Variants in SYCP2L observed in about 807,000 individuals in gnomAD.
The protein encoded by SYCP2L is synaptonemal complex protein 2 like, also known as synaptonemal complex protein 2-like.
SYCP2L carries 98 observed loss-of-function variants against 125.8 expected under a neutral mutation model. That is an observed-to-expected ratio of 0.78 (90% CI 0.66 to 0.92). The LOEUF is 0.92. SYCP2L is among the 40% of genes least tolerant of loss of function. The probability of loss-of-function intolerance (pLI) is 0.00; values close to 1 mark genes in which losing one functional copy is unlikely to be tolerated. For synonymous variants in SYCP2L, 317 were observed against 325.4 expected, an observed-to-expected ratio of 0.97 and a Z score of 0.28; for missense variants, 842 against 936.4, an observed-to-expected ratio of 0.90 and a Z score of 1.32.
intron 20 of SYCP2L, 122 bp downstream of exon 20, chr6:10,931,611 G>A (rs1581831909): frequency 1.8e-5 from 17 of 922,666 alleles, no homozygotes; most frequent in Middle Eastern, 2.2e-4. Flanking sequence ...GTGAATCACC[G>A]CCAATAGAAA....
chr6:10,916,184 T>C (rs1311317521), intron 14 of SYCP2L, among the ~76,000 whole-genome samples: 1 of 152,234 alleles, frequency 6.6e-6, no homozygotes, highest in East Asian at 1.9e-4. Flanking sequence ...TTTCATTTCT[T>C]ACTGAGTTTA....
chr6:10,944,038 T>C (rs1781269070), intron 23 of SYCP2L, among the ~76,000 whole-genome samples: 1 of 152,210 alleles, frequency 6.6e-6, no homozygotes, highest in East Asian at 1.9e-4. Context: ...GATACACAGG[T>C]TAAAAATCTT....
chr6:10,958,269 ATG>A (rs1781538676), intron 25 of SYCP2L, among the ~76,000 whole-genome samples: 1 of 152,130 alleles, frequency 6.6e-6, no homozygotes. Flanking sequence ...TACAGGAAGC[ATG>A]GCACTGGCAT....
At chr6:10,931,814 A>T (rs1485198852) in intron 20 of SYCP2L, among the ~76,000 whole-genome samples, 1 of 151,928 alleles carries the variant, frequency 6.6e-6, no homozygotes, top group South Asian at 2.1e-4. Flanking sequence ...AAAATACAAA[A>T]ATTAGCCAGG....
chr6:10,936,042 T>C (rs1304684880), intron 21 of SYCP2L, among the ~76,000 whole-genome samples: 1 of 152,146 alleles, frequency 6.6e-6, no homozygotes, highest in East Asian at 1.9e-4. Context: ...GATTTTATTA[T>C]TATTAATAAC....
intron 21 of SYCP2L, among the ~76,000 whole-genome samples, chr6:10,935,522 C>A (rs976839642): frequency 6.6e-6 from 1 of 151,794 alleles, no homozygotes; most frequent in African/African-American, 2.4e-5. Flanking sequence ...CATATGGTTT[C>A]TTTTTCTTTT....
At chr6:10,922,942 C>G (rs943875866) in intron 14 of SYCP2L, among the ~76,000 whole-genome samples, 13 of 151,812 alleles carry the variant, frequency 8.6e-5, no homozygotes, top group Admixed American at 1.3e-4. Context: ...ATAATAATAT[C>G]CAGAATATTA....
chr6:10,964,070 G>C (rs1483249799), intron 29 of SYCP2L, among the ~76,000 whole-genome samples: 1 of 151,000 alleles, frequency 6.6e-6, no homozygotes, highest in Admixed American at 6.7e-5. Flanking sequence ...CCATTCTCCT[G>C]CCTCAGCCTC....
At chr6:10,973,019 A>G (rs1305704258) in intron 29 of SYCP2L, among the ~76,000 whole-genome samples, 1 of 152,226 alleles carries the variant, frequency 6.6e-6, no homozygotes. Context: ...ATAAGGAAAC[A>G]GGGGAGAATA....
At position 10,907,310 on chromosome 6, in the gene SYCP2L, T is replaced by C. The variant is rs373092442; in HGVS notation, c.677-232T>C. 3.3e-5 allele frequency among the ~76,000 whole-genome samples: 5 copies of C among 150,946 alleles called. No individual in the cohort carries two copies. The East Asian group carries it at 7.8e-4, about 24-fold the overall frequency. ...GTGAGTCGAGATTGGGCCACTGCAC[T>C]CCAGCCACCACTGCACTCCAGGGTG... On this transcript the variant is annotated intron_variant, in intron 9 of 29. Coordinates refer to ENST00000283141, the MANE Select transcript of SYCP2L (RefSeq NM_001040274.3).
intron 9 of SYCP2L, 71 bp from the exon 10 acceptor site, chr6:10,907,471 A>T: frequency 6.9e-7 from 1 of 1,457,860 alleles, no homozygotes; most frequent in Non-Finnish European, 9.2e-7. Flanking sequence ...GCAAGTGCTA[A>T]ATCTGGAACT....
chr6:10,902,891 A>G lies in SYCP2L; in HGVS notation c.569A>G (p.Asn190Ser). 1 of 1,614,180 alleles carries G rather than the reference A, an allele frequency of 6.2e-7. No individual in the cohort carries two copies. Among genetic ancestry groups the G allele is most frequent in the Non-Finnish European group, 8.5e-7 (1 of 1,180,034 alleles). ...TCCAAAAAGGGCTTGAAGACTTTTA[A>G]CTGCATTTTGCACGCTGTCCCTCGA... is the stretch of plus-strand genomic sequence containing the variant. ...LLQQEGLKTF[N>S]CILHAVPREE... is the part of the protein sequence containing the mutation. Residue 190 changes from asparagine (N) to serine (S), a missense_variant, in exon 8 of 30, where the codon AAC becomes AGC. Coordinates refer to ENST00000283141, the MANE Select transcript of SYCP2L (RefSeq NM_001040274.3).
At chr6:10,934,953 C>T in intron 20 of SYCP2L, 105 bp from the exon 21 acceptor site, 4 of 1,078,364 alleles carry the variant, frequency 3.7e-6, no homozygotes, top group Non-Finnish European at 5.2e-6. Context: ...TGGAGTAAAT[C>T]TAATACTTAA....
chr6:10,931,964 CA>C (rs70991075), intron 20 of SYCP2L, among the ~76,000 whole-genome samples: 72 of 102,668 alleles, frequency 7.0e-4, no homozygotes, highest in Admixed American at 1.0e-3. Context: ...GACCGTGTCT[CA>C]AAAAAAAAAA....
At chr6:10,904,463 A>G (rs1561682446) in intron 8 of SYCP2L, among the ~76,000 whole-genome samples, 1 of 152,206 alleles carries the variant, frequency 6.6e-6, no homozygotes, top group Non-Finnish European at 1.5e-5. Flanking sequence ...GTGTTTGTCC[A>G]TTTAGTCTTT....
intron 10 of SYCP2L, among the ~76,000 whole-genome samples, chr6:10,909,238 C>T (rs541414418): frequency 1.1e-4 from 16 of 149,706 alleles, no homozygotes; most frequent in African/African-American, 4.0e-4. Context: ...AAGCAATTCT[C>T]CTGCCTTATC....
intron 28 of SYCP2L, among the ~76,000 whole-genome samples, chr6:10,962,291 T>C (rs946931283): frequency 6.6e-6 from 1 of 151,222 alleles, no homozygotes; most frequent in East Asian, 2.0e-4. Flanking sequence ...TATATTCCTA[T>C]GCATATATTC....
intron 29 of SYCP2L, among the ~76,000 whole-genome samples, chr6:10,970,928 TAATG>T (rs1781758836): frequency 6.6e-6 from 1 of 152,054 alleles, no homozygotes; most frequent in African/African-American, 2.4e-5. Context: ...AAGGAGTGAC[TAATG>T]AGATAATCGG....
chr6:10,943,490 T>C (rs1435876533), intron 23 of SYCP2L, among the ~76,000 whole-genome samples: 1 of 149,602 alleles, frequency 6.7e-6, no homozygotes, highest in Non-Finnish European at 1.5e-5. Context: ...TCTGAGTCTC[T>C]GCTTTTTTGT....
Sources: gnomAD v4.1 joint callset for allele counts (sites outside exome capture counted in the v4.1 genomes callset) on GRCh38, gnomAD v4.1.1 for gene constraint, MANE v1.5 for transcripts, NCBI Gene and HGNC (gene_info 2026-07-23, HGNC 2026-07-21) for gene names.